NCOA7: variants seen among roughly 807,000 people sequenced by gnomAD.
NCOA7 encodes nuclear receptor coactivator 7, also known as 140 kDa estrogen receptor-associated protein.
NCOA7 carries 45 observed loss-of-function variants against 104.3 expected under a neutral mutation model. The ratio of observed to expected loss-of-function variants is 0.43; its 90% CI spans 0.34 to 0.55. The LOEUF (loss-of-function observed/expected upper bound fraction) is 0.55. Among genes scored for constraint, NCOA7 ranks in the 20% least tolerant of loss-of-function variants. The pLI is 0.02. For missense variants in NCOA7, 1,041 were observed against 1,119.7 expected (o/e 0.93, Z 1.00); for synonymous variants, 398 against 402.3 (o/e 0.99, Z 0.13).
chr6:125,925,621 T>C (rs1325814801), intron 13 of NCOA7, among the ~76,000 whole-genome samples: 1 of 152,252 alleles, frequency 6.6e-6, no homozygotes, highest in Non-Finnish European at 1.5e-5. Context: ...ATGTTATAAA[T>C]GTTATATCTG....
chr6:125,801,499 A>G (rs1362012603), intron 1 of NCOA7, among the ~76,000 whole-genome samples: 4 of 152,194 alleles, frequency 2.6e-5, no homozygotes, highest in African/African-American at 9.7e-5. Context: ...AAATTAGTGT[A>G]TTAGTTTCTT....
At chr6:125,912,359 TCTCCATA>T (rs1378069453) in intron 10 of NCOA7, among the ~76,000 whole-genome samples, 4 of 147,502 alleles carry the variant, frequency 2.7e-5, no homozygotes, top group Non-Finnish European at 4.5e-5. Context: ...ATTCCCTTTC[TCTCCATA>T]TTGCTGCGTG....
intron 10 of NCOA7, among the ~76,000 whole-genome samples, chr6:125,909,827 A>T (rs1303447824): frequency 6.6e-6 from 1 of 151,788 alleles, no homozygotes; most frequent in Non-Finnish European, 1.5e-5. Flanking sequence ...AAAAGAAAGG[A>T]CTTATGGGAT....
At chr6:125,873,785 G>T (rs1331650740) in intron 3 of NCOA7, among the ~76,000 whole-genome samples, 1 of 152,180 alleles carries the variant, frequency 6.6e-6, no homozygotes, top group Non-Finnish European at 1.5e-5. Flanking sequence ...ACAGCTTTCT[G>T]ATTTTACCAG....
chr6:125,888,203 G>A (rs770965083), intron 8 of NCOA7, among the ~76,000 whole-genome samples: 3 of 152,162 alleles, frequency 2.0e-5, no homozygotes, highest in Non-Finnish European at 4.4e-5. Context: ...ATAAAGTAAA[G>A]CGATATTGTT....
intron 13 of NCOA7, among the ~76,000 whole-genome samples, chr6:125,926,863 A>C (rs1776152981): frequency 6.6e-6 from 1 of 152,240 alleles, no homozygotes; most frequent in Non-Finnish European, 1.5e-5. Flanking sequence ...TTTTCAGAAT[A>C]CATATGCTCA....
At chr6:125,845,810 C>G (rs1163582252) in intron 2 of NCOA7, among the ~76,000 whole-genome samples, 1 of 152,080 alleles carries the variant, frequency 6.6e-6, no homozygotes, top group South Asian at 2.1e-4. Context: ...ACTCATTGAC[C>G]AACCGTTTTC....
At chr6:125,790,139 T>G (rs1774694113), upstream of NCOA7, among the ~76,000 whole-genome samples, 1 of 152,138 alleles carries the variant, frequency 6.6e-6, no homozygotes, top group Admixed American at 6.5e-5. Context: ...TCCAGGATGG[T>G]GTACCGGGAA....
chr6:125,845,635 A>G (rs1780538517), intron 2 of NCOA7, among the ~76,000 whole-genome samples: 1 of 152,100 alleles, frequency 6.6e-6, no homozygotes. Flanking sequence ...TTAGCTGGGC[A>G]TGGTGGTGCT....
chr6:125,867,972 A>G (rs1782579124), intron 3 of NCOA7, among the ~76,000 whole-genome samples: 1 of 152,208 alleles, frequency 6.6e-6, no homozygotes, highest in Non-Finnish European at 1.5e-5. Flanking sequence ...GACATCGTGA[A>G]GTCATTCAGT....
rs1788389174 is a variant in NCOA7 at position 125,930,300 on chromosome 6, T to C, written c.*1529T>C. On this transcript the variant is annotated 3_prime_UTR_variant, in exon 16 of 16. Coordinates refer to ENST00000392477, the MANE Select transcript of NCOA7 (RefSeq NM_181782.5). ...TGAATCCGGGAAGCAGAGGTTGTAG[T>C]GAGCCAAGATCGTGCCACTGCACTC... is the stretch of plus-strand genomic sequence containing the variant. The C allele has an allele frequency of 6.6e-6, 1 of 152,528 alleles. No individual in the cohort carries two copies. The highest frequency in any genetic ancestry group is 2.4e-5 in the African/African-American group (1 of 41,456). 9.4% of individuals were successfully genotyped at this position (152,528 alleles called of 1,614,324 possible). A position where few individuals can be genotyped will look rare whatever the true frequency, so the allele number is the denominator to read the frequency against.
At chr6:125,879,335 G>A (rs1280607594) in intron 5 of NCOA7, among the ~76,000 whole-genome samples, 1 of 152,150 alleles carries the variant, frequency 6.6e-6, no homozygotes, top group Non-Finnish European at 1.5e-5. Context: ...GAGAGTACTT[G>A]TACTTCTGAG....
chr6:125,830,280 A>C (rs2128590755), intron 2 of NCOA7, among the ~76,000 whole-genome samples: 1 of 152,332 alleles, frequency 6.6e-6, no homozygotes, highest in South Asian at 2.1e-4. Flanking sequence ...TGAGTATCGT[A>C]CCTTTCCATC....
chr6:125,864,039 T>C (rs4897158), intron 3 of NCOA7, among the ~76,000 whole-genome samples: 103,803 of 134,964 alleles, frequency 0.77, 44,271 homozygotes, highest in East Asian at 0.96. Flanking sequence ...GCAGTTTGGC[T>C]GTTTTTATCA....
rs569259889 is a variant in NCOA7 at position 125,911,689 on chromosome 6, G to A, written c.2097-3644G>A. On this transcript the variant is annotated intron_variant, in intron 10 of 15. Transcript: ENST00000392477. Reference sequence around the variant, plus strand: ...ATTATTAGGGTCTCTTTTATTCAGGGTAGAGAGGAGCTGAGTCAGAAAGCA... The same window carrying A: ...ATTATTAGGGTCTCTTTTATTCAGGATAGAGAGGAGCTGAGTCAGAAAGCA... Among the ~76,000 whole-genome samples the A allele has an allele frequency of 9.5e-4, 144 of 151,934 alleles. 1 individual carries two copies. The highest frequency in any genetic ancestry group is 1.8e-3 in the Admixed American group (27 of 15,276).
intron 2 of NCOA7, among the ~76,000 whole-genome samples, chr6:125,851,404 C>T (rs1443845227): frequency 1.3e-5 from 2 of 152,160 alleles, no homozygotes; most frequent in Non-Finnish European, 1.5e-5. Context: ...CCATTTCCAT[C>T]CAAGTTGCTG....
intron 2 of NCOA7, among the ~76,000 whole-genome samples, chr6:125,847,591 TG>T (rs1476419433): frequency 6.6e-6 from 1 of 152,180 alleles, no homozygotes; most frequent in Admixed American, 6.6e-5. Flanking sequence ...TTAAATTATG[TG>T]TGGCTAATAT....
intron 1 of NCOA7, among the ~76,000 whole-genome samples, chr6:125,801,258 G>T (rs1307371136): frequency 6.6e-6 from 1 of 152,146 alleles, no homozygotes; most frequent in Non-Finnish European, 1.5e-5. Context: ...AATAAGCTGT[G>T]CTTGAATTGT....
At chr6:125,859,792 C>G (rs542269772) in intron 3 of NCOA7, among the ~76,000 whole-genome samples, 124 of 152,274 alleles carry the variant, frequency 8.1e-4, no homozygotes, top group African/African-American at 2.9e-3. Context: ...AATGTTTTTA[C>G]TTGTGAAATT....
Sources: allele counts gnomAD v4.1 joint callset (sites outside exome capture counted in the v4.1 genomes callset), GRCh38; gene constraint gnomAD v4.1.1; transcripts MANE v1.5; gene names NCBI Gene and HGNC (gene_info 2026-07-23, HGNC 2026-07-21).